Variants in SCD5 observed in about 807,000 individuals in gnomAD.
SCD5 encodes acyl-CoA-desaturase 4.
Under a neutral mutation model 30.4 loss-of-function variants are expected in SCD5, and 20 were observed. That is an observed-to-expected ratio of 0.66 (90% confidence interval 0.46 to 0.96). The LOEUF (loss-of-function observed/expected upper bound fraction) is 0.96, where lower values mean the gene tolerates loss of function less well. Among genes scored for constraint, SCD5 ranks in the 40% least tolerant of loss-of-function variants. The pLI, the probability that SCD5 is intolerant of heterozygous loss-of-function variation, is 0.00. For missense variants in SCD5, 381 were observed against 443.3 expected, an observed-to-expected ratio of 0.86 and a Z score of 1.26; for synonymous variants, 173 against 176.4, an observed-to-expected ratio of 0.98 and a Z score of 0.16.
chr4:82,648,958 T>G (rs1727687532), intron 3 of SCD5, among the ~76,000 whole-genome samples: 1 of 152,164 alleles, frequency 6.6e-6, no homozygotes, highest in Admixed American at 6.5e-5. Context: ...GAGGATTCCA[T>G]GCAAAAATGT....
intron 3 of SCD5, among the ~76,000 whole-genome samples, chr4:82,647,532 C>T (rs1376462708): frequency 1.3e-5 from 2 of 152,184 alleles, no homozygotes; most frequent in East Asian, 1.9e-4. Context: ...ACAGCTTCTT[C>T]ATTTCTCCTG....
chr4:82,697,274 T>A (rs532540858), intron 2 of SCD5, among the ~76,000 whole-genome samples: 2 of 152,364 alleles, frequency 1.3e-5, no homozygotes, highest in South Asian at 2.1e-4. Context: ...GTTATTTGTT[T>A]ACAAAAATTA....
intron 2 of SCD5, 131 bp downstream of exon 2, chr4:82,705,152 G>T (rs957898540): frequency 2.6e-6 from 3 of 1,151,900 alleles, no homozygotes; most frequent in South Asian, 1.5e-5. Context: ...ACTTGGGACA[G>T]ACTGGGCGTG....
intron 4 of SCD5, among the ~76,000 whole-genome samples, chr4:82,632,816 A>G (rs534084981): frequency 6.6e-6 from 1 of 152,264 alleles, no homozygotes; most frequent in East Asian, 1.9e-4. Flanking sequence ...GAGAGCTCTC[A>G]TGGCTTCTCT....
chr4:82,763,671 AG>A (rs1721426583), intron 1 of SCD5, among the ~76,000 whole-genome samples: 3 of 152,236 alleles, frequency 2.0e-5, no homozygotes, highest in Admixed American at 2.0e-4. Context: ...GTGAAGCGGC[AG>A]GAAGAGGGCA....
At chr4:82,710,799 A>AGAGGGAGAGAGG in intron 1 of SCD5, among the ~76,000 whole-genome samples, 1 of 140,174 alleles carries the variant, frequency 7.1e-6, no homozygotes, top group Non-Finnish European at 1.6e-5. Context: ...CCATTGTTGG[A>AGAGGGAGAGAGG]GAGGGAGAGA....
rs1344543634 is a variant in SCD5, at chr4:82,752,272, A to ATT, written c.232+46032_232+46033dup. Among the ~76,000 whole-genome samples, 3 of 76,684 alleles carry ATT rather than the reference A, an allele frequency of 3.9e-5. No individual in the cohort carries two copies. In the East Asian group the frequency reaches 1.2e-3, roughly 31 times the overall value. 50.3% of individuals were successfully genotyped at this position (76,684 alleles called of 152,430 possible). A position where few individuals can be genotyped will look rare whatever the true frequency, so the allele number is the denominator to read the frequency against. ...CAAGGTTGACCTTGAATTTTAAAAA[A>ATT]TTATATATATATATATATATGCAAA... is the stretch of plus-strand genomic sequence containing the variant. On this transcript the variant is annotated intron_variant, in intron 1 of 4. Transcript: ENST00000319540.
intron 2 of SCD5, among the ~76,000 whole-genome samples, chr4:82,684,798 A>G (rs1282886040): frequency 2.6e-5 from 4 of 152,110 alleles, no homozygotes; most frequent in Admixed American, 6.5e-5. Context: ...CTTGTCTAAA[A>G]CTATGTGTGC....
chr4:82,646,486 A>G (rs533258633), intron 3 of SCD5, among the ~76,000 whole-genome samples: 16 of 152,316 alleles, frequency 1.1e-4, no homozygotes, highest in Non-Finnish European at 2.2e-4. Flanking sequence ...TGAATTGTTT[A>G]AGTTGAAAAT....
chr4:82,696,337 C>T (rs1719695184), intron 2 of SCD5, among the ~76,000 whole-genome samples: 1 of 152,146 alleles, frequency 6.6e-6, no homozygotes, highest in African/African-American at 2.4e-5. Flanking sequence ...AGAGCGCTGG[C>T]TGGCATTAAT....
chr4:82,714,807 T>C (rs931043793), intron 1 of SCD5, among the ~76,000 whole-genome samples: 2 of 152,146 alleles, frequency 1.3e-5, no homozygotes, highest in Non-Finnish European at 2.9e-5. Context: ...AGTAAGTATA[T>C]GGCAAATATT....
intron 3 of SCD5, among the ~76,000 whole-genome samples, chr4:82,657,236 T>C (rs1466935627): frequency 1.3e-5 from 2 of 152,222 alleles, no homozygotes; most frequent in East Asian, 3.8e-4. Flanking sequence ...TTTTAGGTCT[T>C]ACATTTAAGT....
At chr4:82,671,864 G>C (rs1728333159) in intron 3 of SCD5, among the ~76,000 whole-genome samples, 1 of 152,122 alleles carries the variant, frequency 6.6e-6, no homozygotes, top group Admixed American at 6.5e-5. Flanking sequence ...CTGGGTAACA[G>C]AGCGAGACTC....
At chr4:82,722,637 G>A (rs56756960) in intron 1 of SCD5, among the ~76,000 whole-genome samples, 1 of 138,870 alleles carries the variant, frequency 7.2e-6, no homozygotes, top group East Asian at 2.1e-4. Context: ...GTGGTGGCAG[G>A]TGCCTCTAAT....
chr4:82,640,929 G>C (rs774438902), intron 3 of SCD5, among the ~76,000 whole-genome samples: 9 of 151,462 alleles, frequency 5.9e-5, no homozygotes, highest in Middle Eastern at 6.3e-3. Context: ...TGCTAAATGG[G>C]TTTTCTGTTG....
At chr4:82,793,286 T>C (rs956461326) in intron 1 of SCD5, among the ~76,000 whole-genome samples, 13 of 152,184 alleles carry the variant, frequency 8.5e-5, no homozygotes, top group Admixed American at 2.0e-4. Context: ...TCTGTAGCAA[T>C]TGTAACTGGC....
intron 1 of SCD5, among the ~76,000 whole-genome samples, chr4:82,792,272 A>G (rs911526090): frequency 7.2e-5 from 11 of 152,310 alleles, no homozygotes; most frequent in Admixed American, 3.3e-4. Flanking sequence ...TAGAAAAAAA[A>G]AAAGCTGTGC....
At chr4:82,680,972 G>A in intron 2 of SCD5, 60 bp from the exon 3 acceptor site, 1 of 1,507,554 alleles carries the variant, frequency 6.6e-7, no homozygotes, top group Admixed American at 1.7e-5. Flanking sequence ...CATCCTCCTG[G>A]GAAGCTTCCC....
chr4:82,764,024 T>C (rs1721433797), intron 1 of SCD5, among the ~76,000 whole-genome samples: 1 of 152,250 alleles, frequency 6.6e-6, no homozygotes, highest in African/African-American at 2.4e-5. Flanking sequence ...TTTTAATGTT[T>C]GTGTCTTCAT....
Sources: gnomAD v4.1 joint callset for allele counts (sites outside exome capture counted in the v4.1 genomes callset) on GRCh38, gnomAD v4.1.1 for gene constraint, MANE v1.5 for transcripts, NCBI Gene and HGNC (gene_info 2026-07-23, HGNC 2026-07-21) for gene names.